The following DPP6 variants were observed in gnomAD, a reference collection of about 807,000 sequenced individuals.
The protein encoded by DPP6 is A-type potassium channel modulatory protein DPP6.
A neutral mutation model predicts 122.6 loss-of-function variants in DPP6; 69 were observed. That is an observed-to-expected ratio of 0.56 (90% CI 0.46 to 0.69). DPP6 has a LOEUF of 0.69. Among genes scored for constraint, DPP6 ranks in the 30% least tolerant of loss-of-function variants. The pLI is 0.00. For missense variants in DPP6, 928 were observed against 1,116.9 expected (o/e 0.83, Z 2.41); for synonymous variants, 418 against 433.1 (o/e 0.97, Z 0.43).
intron 1 of DPP6, among the ~76,000 whole-genome samples, chr7:154,430,959 A>C (rs996311665): frequency 2.6e-5 from 4 of 152,190 alleles, no homozygotes; most frequent in Non-Finnish European, 4.4e-5. Context: ...TGAAAATGTC[A>C]CTAGGCTCCA....
chr7:154,105,251 G>T (rs768005748), intron 1 of DPP6, among the ~76,000 whole-genome samples: 5 of 152,248 alleles, frequency 3.3e-5, no homozygotes, highest in Non-Finnish European at 7.3e-5. Context: ...GGCCTGAGGT[G>T]ATGCTGTGTT....
At chr7:154,479,677 T>C (rs1214095576) in intron 3 of DPP6, among the ~76,000 whole-genome samples, 1 of 152,132 alleles carries the variant, frequency 6.6e-6, no homozygotes, top group Non-Finnish European at 1.5e-5. Context: ...TTTGCTCCAT[T>C]GAGTAAATTC....
chr7:154,402,522 C>T (rs1301603086), intron 1 of DPP6, among the ~76,000 whole-genome samples: 1 of 149,188 alleles, frequency 6.7e-6, no homozygotes, highest in Non-Finnish European at 1.5e-5. Context: ...ACCGCATATT[C>T]TCACTCATAG....
intron 1 of DPP6, among the ~76,000 whole-genome samples, chr7:153,965,667 C>T (rs1438109846): frequency 6.6e-6 from 1 of 152,108 alleles, no homozygotes; most frequent in South Asian, 2.1e-4. Context: ...CGCCCACCAC[C>T]ACGCCTGGCT....
At position 154,222,511 on chromosome 7, in the gene DPP6, C is replaced by T. The variant is rs983761199; in HGVS notation, c.243+169448C>T. Among the ~76,000 whole-genome samples, 8 of 147,926 alleles carry T rather than the reference C, an allele frequency of 5.4e-5. 1 individual carries two copies. The highest frequency in any genetic ancestry group is 7.8e-5 in the African/African-American group (3 of 38,318). On this transcript the variant is annotated intron_variant, in intron 1 of 25. Transcript: ENST00000377770. ...TCTCTACTAAAAATACAAAATTAGC[C>T]GGGCGTGGTGGCGCACGCCTGTAAT...
chr7:154,304,926 C>G (rs932562755), intron 1 of DPP6, among the ~76,000 whole-genome samples: 1 of 152,160 alleles, frequency 6.6e-6, no homozygotes, highest in Non-Finnish European at 1.5e-5. Context: ...TTCAGACACC[C>G]GGGCGCGGCG....
intron 1 of DPP6, among the ~76,000 whole-genome samples, chr7:153,947,867 G>A (rs10227208): frequency 0.79 from 120,731 of 152,150 alleles, 49,008 homozygotes; most frequent in East Asian, 1. Flanking sequence ...CGGGGAAGTC[G>A]GATGGTCCTT....
chr7:154,305,241 G>T, intron 1 of DPP6: 1 of 1,250,134 alleles, frequency 8.0e-7, no homozygotes, highest in South Asian at 2.9e-5. Context: ...TGCAGAGGCT[G>T]TTGCTAATTG....
At chr7:154,763,096 C>A (rs1468134907) in intron 8 of DPP6, among the ~76,000 whole-genome samples, 1 of 152,218 alleles carries the variant, frequency 6.6e-6, no homozygotes, top group African/African-American at 2.4e-5. Flanking sequence ...CTTTGGGAGG[C>A]CCAGGCGGGT....
intron 5 of DPP6, among the ~76,000 whole-genome samples, chr7:154,595,969 G>T (rs996953297): frequency 2.6e-5 from 4 of 152,200 alleles, no homozygotes; most frequent in Non-Finnish European, 5.9e-5. Flanking sequence ...GCTGAGGCAG[G>T]AGAATCGCTT....
the DPP6 span, among the ~76,000 whole-genome samples, chr7:153,764,937 C>T: frequency 6.6e-6 from 1 of 152,196 alleles, no homozygotes; most frequent in South Asian, 2.1e-4. Context: ...ACTCTCTGTT[C>T]TCCAAAGCAC....
intron 7 of DPP6, among the ~76,000 whole-genome samples, chr7:154,719,883 C>T (rs1247900776): frequency 2.0e-5 from 3 of 152,192 alleles, no homozygotes; most frequent in African/African-American, 4.8e-5. Flanking sequence ...TCAGCATCAA[C>T]GTGAAGGCCT....
At chr7:153,892,147 C>T (rs1799230046) in intron 1 of DPP6, among the ~76,000 whole-genome samples, 1 of 152,274 alleles carries the variant, frequency 6.6e-6, no homozygotes, top group Admixed American at 6.5e-5. Flanking sequence ...TGTGAACTTT[C>T]CACAGTAAGA....
At chr7:154,251,344 A>C (rs1585743617) in intron 1 of DPP6, among the ~76,000 whole-genome samples, 1 of 152,336 alleles carries the variant, frequency 6.6e-6, no homozygotes, top group Middle Eastern at 3.4e-3. Flanking sequence ...TATGGGAGAA[A>C]CTAGCAAAGC....
At chr7:154,228,420 G>T (rs565416521) in intron 1 of DPP6, among the ~76,000 whole-genome samples, 1 of 152,088 alleles carries the variant, frequency 6.6e-6, no homozygotes, top group South Asian at 2.1e-4. Flanking sequence ...CAGTACTTAG[G>T]GATAAAAGTA....
chr7:154,783,180 T>C (rs150197265), intron 10 of DPP6, among the ~76,000 whole-genome samples: 1 of 152,170 alleles, frequency 6.6e-6, no homozygotes, highest in Non-Finnish European at 1.5e-5. Flanking sequence ...CCTAATTGCA[T>C]GGACTTTGCC....
intron 5 of DPP6, among the ~76,000 whole-genome samples, chr7:154,616,717 G>A (rs909802198): frequency 1.3e-5 from 2 of 152,158 alleles, no homozygotes. Context: ...GAGAAGAAAA[G>A]CAGCACAAAC....
rs140391620 is a variant in DPP6, at chr7:154,427,435, A to G, written c.244-18779A>G. 1.2e-3 allele frequency among the ~76,000 whole-genome samples: 189 copies of G among 152,352 alleles called. 2 individuals are homozygous for G. Among genetic ancestry groups the G allele is most frequent in the African/African-American group, 4.3e-3 (179 of 41,584 alleles). On this transcript the variant is annotated intron_variant, in intron 1 of 25. Transcript: ENST00000377770. ...GAAATGAAGTCACATTCAGTAGTTA[A>G]ATAATACTTTACTCAAAAGTACAGT...
intron 3 of DPP6, among the ~76,000 whole-genome samples, chr7:154,494,489 A>G (rs944588022): frequency 9.2e-5 from 14 of 151,396 alleles, no homozygotes; most frequent in Non-Finnish European, 1.5e-4. Context: ...ACAGTGACAC[A>G]TCACACAAAT....
Sources: gnomAD v4.1 joint callset for allele counts (sites outside exome capture counted in the v4.1 genomes callset) on GRCh38, gnomAD v4.1.1 for gene constraint, MANE v1.5 for transcripts, NCBI Gene and HGNC (gene_info 2026-07-23, HGNC 2026-07-21) for gene names.